CCSER1: variants seen among roughly 807,000 people sequenced by gnomAD.
The protein encoded by CCSER1 is coiled-coil serine rich protein 1, also known as serine-rich coiled-coil domain-containing protein 1.
CCSER1 carries 41 observed loss-of-function variants against 82.0 expected under a neutral mutation model. That is an observed-to-expected ratio of 0.50 (90% confidence interval 0.39 to 0.65). The LOEUF is 0.65. Ranked by LOEUF, CCSER1 falls within the 30% of genes least tolerant of loss-of-function variation. CCSER1 has a pLI of 0.00. For missense variants in CCSER1, 1,119 were observed against 1,064.2 expected, an observed-to-expected ratio of 1.05 and a Z score of -0.72; for synonymous variants, 414 against 383.9, an observed-to-expected ratio of 1.08 and a Z score of -0.92.
intron 10 of CCSER1, among the ~76,000 whole-genome samples, chr4:91,300,019 TG>T (rs1233593106): frequency 6.6e-6 from 1 of 151,956 alleles, no homozygotes. Flanking sequence ...TACCTTAGTG[TG>T]GCTTCCACCT....
intron 10 of CCSER1, among the ~76,000 whole-genome samples, chr4:91,398,306 G>A (rs1752111208): frequency 6.6e-6 from 1 of 151,786 alleles, no homozygotes; most frequent in Non-Finnish European, 1.5e-5. Flanking sequence ...TTTTAGAAGG[G>A]AAACTGTGTT....
At chr4:91,019,503 T>TATC (rs1739735566) in intron 9 of CCSER1, among the ~76,000 whole-genome samples, 1 of 152,192 alleles carries the variant, frequency 6.6e-6, no homozygotes, top group Non-Finnish European at 1.5e-5. Context: ...TAAACAACAT[T>TATC]ATCAACTTTG....
chr4:91,111,492 A>T (rs1305137620), intron 10 of CCSER1, among the ~76,000 whole-genome samples: 2 of 152,088 alleles, frequency 1.3e-5, no homozygotes, highest in Non-Finnish European at 2.9e-5. Flanking sequence ...GCATTGGCAT[A>T]TAGAAAATAT....
chr4:90,324,168 C>T (rs921174038), intron 3 of CCSER1, among the ~76,000 whole-genome samples: 2 of 152,164 alleles, frequency 1.3e-5, no homozygotes, highest in Non-Finnish European at 2.9e-5. Context: ...GATTTACAAT[C>T]CTTTGGGTAT....
At chr4:90,916,153 G>A (rs1727365595) in intron 8 of CCSER1, among the ~76,000 whole-genome samples, 1 of 151,896 alleles carries the variant, frequency 6.6e-6, no homozygotes, top group Non-Finnish European at 1.5e-5. Flanking sequence ...TCACAGAATT[G>A]GAAAAAACTA....
At chr4:91,284,859 A>G (rs1743160449) in intron 10 of CCSER1, among the ~76,000 whole-genome samples, 1 of 152,112 alleles carries the variant, frequency 6.6e-6, no homozygotes, top group Non-Finnish European at 1.5e-5. Flanking sequence ...AGTTGATGAC[A>G]TTCACTGAGA....
chr4:90,266,766 C>T (rs1271311115), intron 1 of CCSER1, among the ~76,000 whole-genome samples: 1 of 151,942 alleles, frequency 6.6e-6, no homozygotes, highest in Non-Finnish European at 1.5e-5. Flanking sequence ...TTGCCCATTC[C>T]TGGGGTTGGA....
intron 6 of CCSER1, among the ~76,000 whole-genome samples, chr4:90,630,322 A>C (rs901863643): frequency 6.6e-6 from 1 of 152,204 alleles, no homozygotes; most frequent in Non-Finnish European, 1.5e-5. Context: ...GAATTTTAAT[A>C]ACAAATCAGT....
chr4:90,287,403 A>G (rs985749605), intron 1 of CCSER1, among the ~76,000 whole-genome samples: 3 of 151,906 alleles, frequency 2.0e-5, no homozygotes, highest in Admixed American at 2.0e-4. Context: ...CTTTTAAGAA[A>G]TCCTATCTGT....
chr4:91,519,486 G>GC (rs1760332324), intron 10 of CCSER1, among the ~76,000 whole-genome samples: 1 of 152,180 alleles, frequency 6.6e-6, no homozygotes, highest in African/African-American at 2.4e-5. Flanking sequence ...CCTGGATCTA[G>GC]CCCCCTTCCT....
chr4:91,361,624 C>T lies in CCSER1; in HGVS notation c.2218-236948C>T, dbSNP rs563481665. 2.5e-4 allele frequency among the ~76,000 whole-genome samples: 38 copies of T among 151,736 alleles called. 1 individual carries two copies. Among genetic ancestry groups the T allele is most frequent in the Middle Eastern group, 6.8e-3 (2 of 292 alleles). On this transcript the variant is annotated intron_variant, in intron 10 of 10. Coordinates refer to ENST00000509176, the MANE Select transcript of CCSER1 (RefSeq NM_001145065.2). ...GGATTTCAAAGAGTGGAGGGAGAGA[C>T]TTATTAACAGAGACTGCAAGTAGAG...
intron 5 of CCSER1, among the ~76,000 whole-genome samples, chr4:90,490,790 A>G (rs1277199251): frequency 1.3e-5 from 2 of 152,034 alleles, no homozygotes; most frequent in Non-Finnish European, 2.9e-5. Context: ...TCCTTTCCCT[A>G]TTTCTTGTTT....
At chr4:90,266,774 G>A (rs963409714) in intron 1 of CCSER1, among the ~76,000 whole-genome samples, 13 of 151,940 alleles carry the variant, frequency 8.6e-5, no homozygotes, top group Non-Finnish European at 2.9e-5. Context: ...TCCTGGGGTT[G>A]GAACTTGAGT....
chr4:91,288,141 TACACTC>T (rs1743457369), intron 10 of CCSER1, among the ~76,000 whole-genome samples: 1 of 80,602 alleles, frequency 1.2e-5, no homozygotes, highest in African/African-American at 4.3e-5. Context: ...TATATATATA[TACACTC>T]GTATATATAT....
intron 4 of CCSER1, among the ~76,000 whole-genome samples, chr4:90,458,177 G>A (rs1036753337): frequency 8.5e-5 from 13 of 152,050 alleles, no homozygotes; most frequent in Middle Eastern, 6.8e-3. Context: ...GGTTTGCTGC[G>A]GCTCTTAGGA....
At chr4:90,374,088 A>G (rs975036357) in intron 3 of CCSER1, among the ~76,000 whole-genome samples, 3 of 152,228 alleles carry the variant, frequency 2.0e-5, no homozygotes, top group African/African-American at 7.2e-5. Flanking sequence ...TTAGCTTGCA[A>G]GTAAGGTAAA....
At chr4:91,367,335 A>C (rs1455124200) in intron 10 of CCSER1, among the ~76,000 whole-genome samples, 2 of 149,854 alleles carry the variant, frequency 1.3e-5, no homozygotes, top group Non-Finnish European at 3.0e-5. Flanking sequence ...AAAAAAAAAA[A>C]AAAGTTAAAA....
At chr4:90,844,561 A>G (rs966851609) in intron 8 of CCSER1, among the ~76,000 whole-genome samples, 2 of 152,100 alleles carry the variant, frequency 1.3e-5, no homozygotes, top group East Asian at 1.9e-4. Flanking sequence ...TTAATTTTAC[A>G]TATGGTTACT....
intron 1 of CCSER1, among the ~76,000 whole-genome samples, chr4:90,269,853 A>G (rs1445814522): frequency 6.6e-6 from 1 of 152,060 alleles, no homozygotes; most frequent in African/African-American, 2.4e-5. Flanking sequence ...TACAATTGAT[A>G]CCGCAAAAAT....
Sources: allele counts gnomAD v4.1 joint callset (sites outside exome capture counted in the v4.1 genomes callset), GRCh38; gene constraint gnomAD v4.1.1; transcripts MANE v1.5; gene names NCBI Gene and HGNC (gene_info 2026-07-23, HGNC 2026-07-21).